The following EPYC variants were observed in gnomAD, a reference collection of about 807,000 sequenced individuals.
The protein encoded by EPYC is epiphycan.
In EPYC, 28 loss-of-function variants were observed where a neutral mutation model predicts 30.1. That is an observed-to-expected ratio of 0.93 (90% CI 0.69 to 1.28). EPYC has a LOEUF of 1.28. Among genes scored for constraint, EPYC ranks in the 50% most tolerant of loss-of-function variants. The pLI is 0.00. For missense variants in EPYC, 382 were observed against 383.5 expected, an observed-to-expected ratio of 1.00 and a Z score of 0.03; for synonymous variants, 144 against 141.4, an observed-to-expected ratio of 1.02 and a Z score of -0.13.
At chr12:91,002,016 A>ATC (rs1482234623) in intron 2 of EPYC, among the ~76,000 whole-genome samples, 1 of 151,616 alleles carries the variant, frequency 6.6e-6, no homozygotes, top group African/African-American at 2.4e-5. Flanking sequence ...GTGAAATCCC[A>ATC]TCTCTACTAA....
chr12:90,971,349 G>T (rs1383973515), intron 5 of EPYC, among the ~76,000 whole-genome samples: 2 of 152,052 alleles, frequency 1.3e-5, no homozygotes, highest in African/African-American at 4.8e-5. Context: ...AGTTTATCTT[G>T]AAAGTTAAAA....
At chr12:90,986,081 A>T (rs902658660) in intron 2 of EPYC, among the ~76,000 whole-genome samples, 1 of 152,026 alleles carries the variant, frequency 6.6e-6, no homozygotes, top group African/African-American at 2.4e-5. Flanking sequence ...CTTATTAGGG[A>T]GGGACATATT....
chr12:90,983,255 C>T (rs1219509653), intron 2 of EPYC, among the ~76,000 whole-genome samples: 1 of 152,130 alleles, frequency 6.6e-6, no homozygotes, highest in Non-Finnish European at 1.5e-5. Flanking sequence ...TAAGCAAAGG[C>T]TACCATGAGA....
At chr12:90,985,384 C>T (rs1360049382) in intron 2 of EPYC, among the ~76,000 whole-genome samples, 1 of 152,032 alleles carries the variant, frequency 6.6e-6, no homozygotes, top group Non-Finnish European at 1.5e-5. Flanking sequence ...GTTTATTACC[C>T]AATCAGCCAC....
intron 6 of EPYC, among the ~76,000 whole-genome samples, chr12:90,969,749 CTT>C (rs1475935827): frequency 2.6e-5 from 4 of 151,812 alleles, no homozygotes; most frequent in Non-Finnish European, 5.9e-5. Flanking sequence ...ACACGTGAAA[CTT>C]TCAGTGGTTT....
chr12:90,989,567 TAAAAGATA>T (rs1877533958), intron 2 of EPYC, among the ~76,000 whole-genome samples: 1 of 152,014 alleles, frequency 6.6e-6, no homozygotes, highest in Admixed American at 6.6e-5. Flanking sequence ...TTCATAACTC[TAAAAGATA>T]ATGCTTACTC....
rs1299475722 is a variant in EPYC, at chr12:90,970,092, G to A, written c.750C>T (p.Asp250=). The change falls in exon 6 of 7, where the codon GAC becomes GAT. Residue 250 remains aspartate (D), a synonymous_variant. Transcript: ENST00000261172. ...TTTCTGGGAGTGGCAGAGGGATGTG[G>A]TCCAAGTTGTTATCAGTGAGGTACA... ...HHLYLTDNNL[D]HIPLPLPENL... 1 of 1,613,866 alleles carries A rather than the reference G, an allele frequency of 6.2e-7. No homozygotes were observed. The highest frequency in any genetic ancestry group is 1.7e-5 in the Admixed American group (1 of 59,992).
chr12:90,979,062 G>C (rs1877265715), intron 2 of EPYC, among the ~76,000 whole-genome samples: 1 of 151,948 alleles, frequency 6.6e-6, no homozygotes, highest in East Asian at 1.9e-4. Flanking sequence ...TATCTAACTT[G>C]TACATTTTAA....
At chr12:90,968,793 T>C (rs1031803241) in intron 6 of EPYC, among the ~76,000 whole-genome samples, 4 of 152,116 alleles carry the variant, frequency 2.6e-5, no homozygotes, top group Non-Finnish European at 5.9e-5. Context: ...AAACACATTC[T>C]AAAATCTCTA....
intron 6 of EPYC, among the ~76,000 whole-genome samples, chr12:90,966,586 G>C (rs977872929): frequency 6.6e-6 from 1 of 152,046 alleles, no homozygotes; most frequent in African/African-American, 2.4e-5. Context: ...ATATTGGCCT[G>C]TAGTTTCATT....
At position 91,002,517 on chromosome 12, in the gene EPYC, C is replaced by T; in HGVS notation, c.49G>A (p.Ala17Thr). ...LVLGLVIFDA[A>T]VTAPTLESIN... is the part of the protein sequence containing the mutation. ...GACTCTAGAGTTGGGGCAGTCACAGCAGCATCAAAGATGACAAGTCCCAGA... is the reference window on the plus strand; with the variant it reads ...GACTCTAGAGTTGGGGCAGTCACAGTAGCATCAAAGATGACAAGTCCCAGA... Residue 17 changes from alanine to threonine, a missense_variant, in exon 2 of 7, where the codon GCT becomes ACT. Physicochemically the swap from Ala to Thr is moderately conservative, Grantham distance 58. Coordinates refer to ENST00000261172, the MANE Select transcript of EPYC (RefSeq NM_004950.5). The T allele has an allele frequency of 6.2e-7, 1 of 1,613,192 alleles. No homozygotes were observed. The highest frequency in any genetic ancestry group is 1.1e-5 in the South Asian group (1 of 91,018).
chr12:90,968,973 G>A, intron 6 of EPYC, among the ~76,000 whole-genome samples: 1 of 150,752 alleles, frequency 6.6e-6, no homozygotes, highest in East Asian at 1.9e-4. Flanking sequence ...CTACAAAAGA[G>A]ACAGATATCC....
At chr12:90,999,553 T>A (rs1480788964) in intron 2 of EPYC, among the ~76,000 whole-genome samples, 1 of 152,134 alleles carries the variant, frequency 6.6e-6, no homozygotes, top group Non-Finnish European at 1.5e-5. Context: ...ATGGATTTTT[T>A]TCTTTAACTG....
chr12:90,974,243 C>G (rs953664832), intron 3 of EPYC, among the ~76,000 whole-genome samples: 1 of 136,494 alleles, frequency 7.3e-6, no homozygotes, highest in Non-Finnish European at 1.6e-5. Flanking sequence ...AAATAATCAA[C>G]AACCTAAGCC....
chr12:90,964,155 A>C lies in EPYC; in HGVS notation c.*1T>G, dbSNP rs372412930. On this transcript the variant is annotated 3_prime_UTR_variant, in exon 7 of 7. Transcript: ENST00000261172. ...ATCGTAATGCTAACCATTATCTGAA[A>C]TTAGACAAGGCTCCCAACAGGCAGA... is the stretch of plus-strand genomic sequence containing the variant. The C allele has an allele frequency of 8.7e-6, 14 of 1,608,730 alleles. No individual in the cohort carries two copies. The highest frequency in any genetic ancestry group is 1.2e-5 in the Non-Finnish European group (14 of 1,176,378).
chr12:90,989,055 C>T (rs781694974), intron 2 of EPYC, among the ~76,000 whole-genome samples: 3 of 152,050 alleles, frequency 2.0e-5, no homozygotes, highest in Non-Finnish European at 4.4e-5. Context: ...ATACTTATTT[C>T]TCATAAAAGT....
intron 3 of EPYC, among the ~76,000 whole-genome samples, chr12:90,975,223 A>G (rs1040985173): frequency 1.3e-5 from 2 of 152,120 alleles, no homozygotes; most frequent in African/African-American, 4.8e-5. Flanking sequence ...TACTCATAAA[A>G]ATTTTAAGAG....
intron 2 of EPYC, among the ~76,000 whole-genome samples, chr12:90,998,300 A>G (rs1877742498): frequency 6.6e-6 from 1 of 152,100 alleles, no homozygotes; most frequent in Admixed American, 6.6e-5. Context: ...AAGTGCAGTA[A>G]AAGCTGCAAC....
intron 2 of EPYC, among the ~76,000 whole-genome samples, chr12:90,979,640 C>T (rs1479579362): frequency 6.6e-6 from 1 of 152,122 alleles, no homozygotes; most frequent in Non-Finnish European, 1.5e-5. Context: ...TCCTTCTGTG[C>T]TTCCATAGAG....
Sources: gnomAD v4.1 joint callset for allele counts (sites outside exome capture counted in the v4.1 genomes callset) on GRCh38, gnomAD v4.1.1 for gene constraint, MANE v1.5 for transcripts, NCBI Gene and HGNC (gene_info 2026-07-23, HGNC 2026-07-21) for gene names.